TM7SF3: variants seen among roughly 807,000 people sequenced by gnomAD.
TM7SF3 encodes transmembrane 7 superfamily member 3.
A neutral mutation model predicts 65.5 loss-of-function variants in TM7SF3; 60 were observed. The observed-to-expected ratio is 0.92, with a 90% CI of 0.74 to 1.14. TM7SF3 has a LOEUF of 1.14. Ranked by LOEUF, TM7SF3 falls within the 50% of genes most tolerant of loss-of-function variation. The probability of loss-of-function intolerance (pLI) is 0.00; values close to 1 mark genes in which losing one functional copy is unlikely to be tolerated. For synonymous variants in TM7SF3, 264 were observed against 259.6 expected, an observed-to-expected ratio of 1.02 and a Z score of -0.16; for missense variants, 623 against 684.8, an observed-to-expected ratio of 0.91 and a Z score of 1.01.
At chr12:27,012,988 A>T (rs61920361) in intron 1 of TM7SF3, 18,131 of 135,438 alleles carry the variant, frequency 0.13, 1,160 homozygotes, top group Non-Finnish European at 0.16. Context: ...ACAGAGCGAG[A>T]CTCCGTCAAA....
At chr12:27,005,083 T>A (rs1054479842) in intron 1 of TM7SF3, among the ~76,000 whole-genome samples, 1 of 152,208 alleles carries the variant, frequency 6.6e-6, no homozygotes, top group Non-Finnish European at 1.5e-5. Flanking sequence ...AAAAGCAAAT[T>A]ATACATAAAA....
At chr12:26,988,082 T>C (rs1357726492) in intron 6 of TM7SF3, among the ~76,000 whole-genome samples, 1 of 150,546 alleles carries the variant, frequency 6.6e-6, no homozygotes, top group Non-Finnish European at 1.5e-5. Context: ...AAAAAAGACT[T>C]GTTCCAGATT....
chr12:26,985,435 G>A (rs1168910933), intron 6 of TM7SF3, among the ~76,000 whole-genome samples: 1 of 151,496 alleles, frequency 6.6e-6, no homozygotes, highest in African/African-American at 2.4e-5. Flanking sequence ...AGACCAACCT[G>A]GCCAACATGG....
intron 1 of TM7SF3, among the ~76,000 whole-genome samples, chr12:27,011,289 C>G (rs1393581967): frequency 6.6e-6 from 1 of 152,192 alleles, no homozygotes; most frequent in Non-Finnish European, 1.5e-5. Flanking sequence ...TGATGCTGTG[C>G]TCAAGTCCAA....
Position 26,973,658 on chromosome 12 carries a change from A to AT in TM7SF3, c.*306dup. 1.2e-5 allele frequency: 3 copies of AT among 243,176 alleles called. No individual in the cohort carries two copies. The highest frequency in any genetic ancestry group is 8.6e-5 in the East Asian group (1 of 11,656). The allele number at this position is 243,176 out of a possible 1,614,324, so 15.1% of individuals were successfully genotyped here. On this transcript the variant is annotated 3_prime_UTR_variant, in exon 12 of 12. Transcript: ENST00000343028. ...TGCTCTGCAGAAGAATCAGTTTTTA[A>AT]TTTTTTTAATGTATCTATTTAATGG...
intron 6 of TM7SF3, among the ~76,000 whole-genome samples, chr12:26,985,603 T>G (rs1940013994): frequency 8.7e-6 from 1 of 115,298 alleles, no homozygotes; most frequent in Non-Finnish European, 1.7e-5. Context: ...CCAGCCTGGG[T>G]GACAAGAGTG....
chr12:27,012,823 C>G (rs1335231685), intron 1 of TM7SF3: 1 of 420,920 alleles, frequency 2.4e-6, no homozygotes. Context: ...CATGGTGAAA[C>G]CCCGCCTGTA....
chr12:26,989,536 A>G (rs1455567192), intron 6 of TM7SF3, among the ~76,000 whole-genome samples: 1 of 152,076 alleles, frequency 6.6e-6, no homozygotes, highest in African/African-American at 2.4e-5. Context: ...ATATAGAGAG[A>G]GAAGAAGAGA....
intron 6 of TM7SF3, among the ~76,000 whole-genome samples, chr12:26,986,841 G>T (rs1000164507): frequency 1.3e-5 from 2 of 152,136 alleles, no homozygotes; most frequent in African/African-American, 4.8e-5. Context: ...AAATCCAAGG[G>T]TCATTTTCAG....
chr12:26,987,945 A>G (rs1338095232), intron 6 of TM7SF3, among the ~76,000 whole-genome samples: 4 of 152,170 alleles, frequency 2.6e-5, no homozygotes, highest in African/African-American at 9.7e-5. Flanking sequence ...CCTGCCAAAA[A>G]AGCATAATCA....
At chr12:26,992,221 A>G (rs574010266) in intron 5 of TM7SF3, among the ~76,000 whole-genome samples, 1 of 152,314 alleles carries the variant, frequency 6.6e-6, no homozygotes, top group Non-Finnish European at 1.5e-5. Flanking sequence ...GAACACTTAC[A>G]TTAGATTCAG....
Position 26,974,097 on chromosome 12 carries a change from T to C in TM7SF3, c.1581A>G (p.Arg527=), listed in dbSNP as rs139476509. 1 of 1,614,182 alleles carries C rather than the reference T, an allele frequency of 6.2e-7. No homozygotes were observed. The highest frequency in any genetic ancestry group is 1.7e-5 in the Admixed American group (1 of 60,018). ...YKLWKQERER[R]VTNILDPSYH... ...AGCTAGGGTCCAGAATGTTTGTCAC[T>C]CGGCGCTCTCTCTCTTGCTTCCATA... Residue 527 remains arginine (R), a synonymous_variant, in exon 12 of 12, where the codon CGA becomes CGG. Transcript: ENST00000343028.
At chr12:26,986,021 G>A (rs938982125) in intron 6 of TM7SF3, among the ~76,000 whole-genome samples, 15 of 151,076 alleles carry the variant, frequency 9.9e-5, no homozygotes, top group African/African-American at 3.6e-4. Flanking sequence ...GTAGAGACGG[G>A]GTTTCACTGT....
In TM7SF3 at chr12:26,975,556, T is replaced by C; in HGVS notation, c.1390A>G (p.Lys464Glu). 1.9e-6 allele frequency: 3 copies of C among 1,614,156 alleles called. No individual in the cohort carries two copies. Among genetic ancestry groups the C allele is most frequent in the Middle Eastern group, 1.6e-4 (1 of 6,062 alleles). ...TGGAAATCCTTGTTGAGCGCTCTCT[T>C]GAGTACGTTCAAAGTGATGTAGGAA... The part of the protein sequence containing the change: ...SLSYITLNVL[K>E]RALNKDFHRA... The change falls in exon 11 of 12, where the codon AAG becomes GAG. Residue 464 changes from lysine (K) to glutamate (E), a missense_variant. By Grantham distance (56) the Lys-to-Glu change is moderately conservative. Transcript: ENST00000343028.
Position 27,003,319 on chromosome 12 carries a change from A to C in TM7SF3, c.163T>G (p.Leu55Val). The change falls in exon 2 of 12, where the codon TTG becomes GTG. Residue 55 changes from leucine to valine, a missense_variant. Physicochemically the swap from Leu to Val is conservative, Grantham distance 32. Coordinates refer to ENST00000343028, the MANE Select transcript of TM7SF3 (RefSeq NM_016551.3). ...LNRPFPEEAILHDISSNVTFL... is the reference protein window; with the variant it reads ...LNRPFPEEAIVHDISSNVTFL... ...GTCACATTGCTTGAAATATCATGCAAAATAGCTTCCTCTGGAAAGGGCCTA... is the reference window on the plus strand; with the variant it reads ...GTCACATTGCTTGAAATATCATGCACAATAGCTTCCTCTGGAAAGGGCCTA... The C allele has an allele frequency of 1.2e-6, 2 of 1,613,782 alleles. No homozygotes were observed. Among genetic ancestry groups the C allele is most frequent in the Non-Finnish European group, 1.7e-6 (2 of 1,179,818 alleles).
chr12:27,014,045 T>G, intron 1 of TM7SF3, 33 bp downstream of exon 1: 1 of 1,524,364 alleles, frequency 6.6e-7, no homozygotes, highest in African/African-American at 1.4e-5. Flanking sequence ...AAAAGCAACT[T>G]TGGGTTGCAG....
rs1385929381 is a variant in TM7SF3 at position 26,975,640 on chromosome 12, C to T, written c.1306G>A (p.Gly436Arg). 6 of 1,610,798 alleles carry T rather than the reference C, an allele frequency of 3.7e-6. No homozygotes were observed. Among genetic ancestry groups the T allele is most frequent in the Non-Finnish European group, 5.1e-6 (6 of 1,179,476 alleles). The change falls in exon 11 of 12, where the codon GGA (glycine) becomes AGA (arginine). Residue 436 changes from glycine to arginine, a missense_variant. Gly to Arg is a moderately radical substitution (Grantham distance 125). Transcript: ENST00000343028. The stretch of plus-strand genomic sequence containing the variant: ...ACCACCGAATAGGAGCCAATGACTC[C>T]ACAAGTCAGTATGTTCAGCTGTGGA... ...CLRILNILTC[G>R]VIGSYSVVLA...
chr12:26,983,297 A>G (rs1207154974), intron 6 of TM7SF3, among the ~76,000 whole-genome samples: 2 of 152,318 alleles, frequency 1.3e-5, no homozygotes, highest in East Asian at 3.9e-4. Flanking sequence ...AGACACATCA[A>G]CTAAATACTG....
chr12:26,980,427 A>G, intron 8 of TM7SF3, 139 bp downstream of exon 8: 1 of 635,338 alleles, frequency 1.6e-6, no homozygotes, highest in Admixed American at 3.3e-5. Context: ...AAAGGTGTTC[A>G]GAGACTAGAT....
Sources: gnomAD v4.1 joint callset for allele counts (sites outside exome capture counted in the v4.1 genomes callset) on GRCh38, gnomAD v4.1.1 for gene constraint, MANE v1.5 for transcripts, NCBI Gene and HGNC (gene_info 2026-07-23, HGNC 2026-07-21) for gene names.